The following SPAG17 variants were observed in gnomAD, a reference collection of about 807,000 sequenced individuals.
The protein encoded by SPAG17 is sperm associated antigen 17, also known as sperm-associated antigen 17.
Under a neutral mutation model 273.6 loss-of-function variants are expected in SPAG17, and 169 were observed. That is an observed-to-expected ratio of 0.62 (90% CI 0.55 to 0.70). The LOEUF is 0.70. SPAG17 is among the 30% of genes least tolerant of loss of function. The probability of loss-of-function intolerance (pLI) is 0.00; values close to 1 mark genes in which losing one functional copy is unlikely to be tolerated. For synonymous variants in SPAG17, 825 were observed against 873.2 expected, an observed-to-expected ratio of 0.94 and a Z score of 0.97; for missense variants, 2,557 against 2,627.8, an observed-to-expected ratio of 0.97 and a Z score of 0.59.
intron 43 of SPAG17, among the ~76,000 whole-genome samples, chr1:117,977,048 A>G (rs186958142): frequency 2.0e-5 from 3 of 152,058 alleles, no homozygotes; most frequent in Admixed American, 6.5e-5. Flanking sequence ...GGTGGCTCAC[A>G]CCTGTAATTC....
intron 5 of SPAG17, 29 bp from the exon 6 acceptor site, chr1:118,099,829 C>A (rs777767091): frequency 1.1e-5 from 17 of 1,597,280 alleles, no homozygotes; most frequent in Non-Finnish European, 1.4e-5. Context: ...AGAAGAGCAG[C>A]CATCATTGTA....
At chr1:118,045,390 T>C (rs1650244284) in intron 20 of SPAG17, among the ~76,000 whole-genome samples, 1 of 152,154 alleles carries the variant, frequency 6.6e-6, no homozygotes, top group African/African-American at 2.4e-5. Flanking sequence ...CGTAAAAACC[T>C]CTAAACAACA....
chr1:118,117,183 AGTGTT>A (rs1657138197), intron 3 of SPAG17, among the ~76,000 whole-genome samples: 1 of 152,196 alleles, frequency 6.6e-6, no homozygotes, highest in Admixed American at 6.5e-5. Context: ...ATGGCAGTCT[AGTGTT>A]TCCCTCTAAT....
chr1:118,017,820 C>T (rs1388611563), intron 28 of SPAG17, among the ~76,000 whole-genome samples: 1 of 152,060 alleles, frequency 6.6e-6, no homozygotes, highest in East Asian at 1.9e-4. Context: ...AAATCTTAAT[C>T]ATCTATTTTC....
At position 118,023,502 on chromosome 1, in the gene SPAG17, AAG is replaced by A. The variant is rs1402302109; in HGVS notation, c.3910-41_3910-40del. The A allele has an allele frequency of 2.5e-6, 4 of 1,588,108 alleles. No homozygotes were observed. The African/African-American group carries it at 4.1e-5, about 16-fold the overall frequency. ...AAAAGTTTTCAGCATTCTCAGAAGC[AAG>A]AGAGAGGTTGTTTAACAATAAACGC... On this transcript the variant is annotated intron_variant, in intron 27 of 48. Coordinates refer to ENST00000336338, the MANE Select transcript of SPAG17 (RefSeq NM_206996.4).
At chr1:118,116,211 C>CA (rs1196472229) in intron 3 of SPAG17, among the ~76,000 whole-genome samples, 5 of 151,578 alleles carry the variant, frequency 3.3e-5, no homozygotes, top group East Asian at 1.9e-4. Context: ...TTATTTACTG[C>CA]AAAAAAAATA....
At chr1:118,183,872 A>T (rs555319747) in intron 1 of SPAG17, among the ~76,000 whole-genome samples, 1 of 152,194 alleles carries the variant, frequency 6.6e-6, no homozygotes, top group Non-Finnish European at 1.5e-5. Flanking sequence ...AGCAAAAGAG[A>T]GGGTGCTTTT....
chr1:117,966,490 T>C (rs1653864292), intron 47 of SPAG17, 119 bp downstream of exon 47: 1 of 1,056,668 alleles, frequency 9.5e-7, no homozygotes, highest in Admixed American at 2.8e-5. Flanking sequence ...TTAATAAATT[T>C]AACTCTGATT....
At position 118,044,377 on chromosome 1, in the gene SPAG17, C is replaced by T. The variant is rs992708053; in HGVS notation, c.2815-2335G>A. Among the ~76,000 whole-genome samples, 24 of 151,650 alleles carry T rather than the reference C, an allele frequency of 1.6e-4. 1 individual carries two copies. The highest frequency in any genetic ancestry group is 2.0e-4 in the Admixed American group (3 of 15,218). On this transcript the variant is annotated intron_variant, in intron 20 of 48. Coordinates refer to ENST00000336338, the MANE Select transcript of SPAG17 (RefSeq NM_206996.4). ...GTGGGCGCCTGTAATCCCAGCTACTCGGGAGGCTGAGGCAGGAGAATCACT... is the reference window on the plus strand; with the variant it reads ...GTGGGCGCCTGTAATCCCAGCTACTTGGGAGGCTGAGGCAGGAGAATCACT...
chr1:118,068,983 G>T (rs141219118), intron 17 of SPAG17, among the ~76,000 whole-genome samples: 434 of 152,258 alleles, frequency 2.9e-3, no homozygotes, highest in African/African-American at 0.01. Flanking sequence ...ATAGAGAATG[G>T]ATTAGAGCAG....
At chr1:118,152,653 G>T (rs1482130160) in intron 1 of SPAG17, among the ~76,000 whole-genome samples, 1 of 152,092 alleles carries the variant, frequency 6.6e-6, no homozygotes, top group African/African-American at 2.4e-5. Flanking sequence ...AAGTGTGTGT[G>T]TGCATGCATG....
chr1:118,104,014 G>A (rs1570700155), intron 4 of SPAG17, among the ~76,000 whole-genome samples: 1 of 152,150 alleles, frequency 6.6e-6, no homozygotes, highest in African/African-American at 2.4e-5. Flanking sequence ...CAGGGCTTTG[G>A]AGGTAGAAAT....
chr1:117,991,576 G>C, intron 36 of SPAG17, 48 bp from the exon 37 acceptor site: 1 of 1,181,014 alleles, frequency 8.5e-7, no homozygotes, highest in Non-Finnish European at 1.2e-6. Context: ...GAATTAGGAA[G>C]AGAGAGATAC....
chr1:118,005,057 C>T (rs1431107495), intron 32 of SPAG17, among the ~76,000 whole-genome samples: 1 of 152,202 alleles, frequency 6.6e-6, no homozygotes, highest in African/African-American at 2.4e-5. Flanking sequence ...AAGAAACTTG[C>T]CTCCTGTCTT....
chr1:118,170,571 G>T (rs191936825), intron 1 of SPAG17, among the ~76,000 whole-genome samples: 1 of 152,278 alleles, frequency 6.6e-6, no homozygotes, highest in East Asian at 1.9e-4. Context: ...TAGATGCCAT[G>T]TTTTATGGAA....
chr1:118,154,237 A>T (rs1014360880), intron 1 of SPAG17, among the ~76,000 whole-genome samples: 4 of 152,186 alleles, frequency 2.6e-5, no homozygotes, highest in African/African-American at 9.6e-5. Flanking sequence ...CTTGCCCACT[A>T]AATGTGTGCT....
chr1:118,097,597 T>C (rs1655790964), intron 7 of SPAG17, 73 bp downstream of exon 7: 9 of 1,242,864 alleles, frequency 7.2e-6, no homozygotes, highest in Non-Finnish European at 9.8e-6. Flanking sequence ...ATCTATGTGA[T>C]GAATAAATGG....
intron 29 of SPAG17, 41 bp from the exon 30 acceptor site, chr1:118,012,413 G>A: frequency 6.3e-7 from 1 of 1,599,564 alleles, no homozygotes; most frequent in Non-Finnish European, 8.5e-7. Flanking sequence ...TGGCCACATG[G>A]TTCATCCCAA....
chr1:118,051,905 C>A (rs1313866795), intron 20 of SPAG17, among the ~76,000 whole-genome samples: 6 of 131,932 alleles, frequency 4.5e-5, no homozygotes, highest in Admixed American at 1.6e-4. Flanking sequence ...AATATATAAA[C>A]TATTATAATA....
Sources: gnomAD v4.1 joint callset for allele counts (sites outside exome capture counted in the v4.1 genomes callset) on GRCh38, gnomAD v4.1.1 for gene constraint, MANE v1.5 for transcripts, NCBI Gene and HGNC (gene_info 2026-07-23, HGNC 2026-07-21) for gene names.